SGCG: variants seen among roughly 807,000 people sequenced by gnomAD.
SGCG encodes the protein sarcoglycan gamma, also known as gamma-sarcoglycan.
A neutral mutation model predicts 29.3 loss-of-function variants in SGCG; 26 were observed. The observed-to-expected ratio is 0.89, with a 90% CI of 0.65 to 1.23. The LOEUF is 1.23. Among genes scored for constraint, SGCG ranks in the 50% most tolerant of loss-of-function variants. The pLI is 0.00. For synonymous variants in SGCG, 145 were observed against 129.7 expected, an observed-to-expected ratio of 1.12 and a Z score of -0.80; for missense variants, 353 against 356.0, an observed-to-expected ratio of 0.99 and a Z score of 0.07.
chr13:23,180,181 G>C (rs887044529), upstream of SGCG, among the ~76,000 whole-genome samples: 1 of 152,034 alleles, frequency 6.6e-6, no homozygotes, highest in African/African-American at 2.4e-5. Context: ...TGCAAACCAG[G>C]TCACATAAAA....
At chr13:23,263,457 A>C (rs1880523258) in intron 4 of SGCG, among the ~76,000 whole-genome samples, 1 of 152,112 alleles carries the variant, frequency 6.6e-6, no homozygotes, top group East Asian at 1.9e-4. Flanking sequence ...ACAGACCAAT[A>C]ACAAGCAATG....
At chr13:23,231,186 G>C (rs560891938) in intron 2 of SGCG, among the ~76,000 whole-genome samples, 2 of 151,980 alleles carry the variant, frequency 1.3e-5, no homozygotes, top group East Asian at 1.9e-4. Context: ...GAGTCGATTT[G>C]CTAGTATTTT....
At chr13:23,276,436 T>TTTTTTC (rs1881074305) in intron 4 of SGCG, among the ~76,000 whole-genome samples, 5 of 134,778 alleles carry the variant, frequency 3.7e-5, no homozygotes, top group Admixed American at 3.0e-4. Flanking sequence ...GTTTTCTTTT[T>TTTTTTC]TTTTTTTTTT....
chr13:23,270,450 A>G (rs1010050903), intron 4 of SGCG, among the ~76,000 whole-genome samples: 1 of 152,086 alleles, frequency 6.6e-6, no homozygotes, highest in African/African-American at 2.4e-5. Flanking sequence ...CATTTTTTTC[A>G]TAAGTTTGAG....
intron 1 of SGCG, among the ~76,000 whole-genome samples, chr13:23,184,320 T>C (rs966011762): frequency 2.6e-5 from 4 of 152,176 alleles, no homozygotes; most frequent in Admixed American, 6.5e-5. Flanking sequence ...TGAATGTTTT[T>C]CAGAGTTAGA....
chr13:23,167,628 T>C, the SGCG span, among the ~76,000 whole-genome samples: 23 of 152,338 alleles, frequency 1.5e-4, no homozygotes, highest in African/African-American at 5.3e-4. Flanking sequence ...GTTGTAGTTT[T>C]TATTTGCATT....
intron 6 of SGCG, 105 bp downstream of exon 6, chr13:23,295,592 A>G: frequency 2.4e-6 from 2 of 834,268 alleles, no homozygotes; most frequent in East Asian, 2.4e-5. Context: ...TTCTTATTTC[A>G]TCAGTTGCCT....
chr13:23,278,443 CAAAAAAAAA>C (rs35645325), intron 4 of SGCG, among the ~76,000 whole-genome samples: 3 of 129,620 alleles, frequency 2.3e-5, no homozygotes, highest in Admixed American at 2.2e-4. Flanking sequence ...AACTCTGTCT[CAAAAAAAAA>C]AAAAAAAAGA....
chr13:23,289,043 A>G (rs1272908650), intron 5 of SGCG, among the ~76,000 whole-genome samples: 1 of 152,198 alleles, frequency 6.6e-6, no homozygotes, highest in Non-Finnish European at 1.5e-5. Context: ...ACAAAAATGG[A>G]CCTGGAGAAC....
intron 6 of SGCG, among the ~76,000 whole-genome samples, chr13:23,316,928 C>T (rs762373122): frequency 4.6e-5 from 7 of 152,084 alleles, no homozygotes; most frequent in African/African-American, 1.2e-4. Flanking sequence ...ATCATTTGGC[C>T]GGGCGCGGTG....
chr13:23,312,619 G>T (rs908756221), intron 6 of SGCG, among the ~76,000 whole-genome samples: 1 of 152,304 alleles, frequency 6.6e-6, no homozygotes, highest in African/African-American at 2.4e-5. Flanking sequence ...GGATCAGGGG[G>T]TGAGGGATGA....
chr13:23,172,134 G>A, the SGCG span, among the ~76,000 whole-genome samples: 1 of 152,162 alleles, frequency 6.6e-6, no homozygotes, highest in Non-Finnish European at 1.5e-5. Flanking sequence ...CATTTGCAAT[G>A]TTGCAATTGC....
chr13:23,233,946 G>T (rs1879205102), intron 2 of SGCG, among the ~76,000 whole-genome samples: 1 of 152,182 alleles, frequency 6.6e-6, no homozygotes, highest in Non-Finnish European at 1.5e-5. Flanking sequence ...AAGGGGTCCA[G>T]TGCCAAATGC....
Position 23,306,025 on chromosome 13 carries a change from AATT to A in SGCG, c.578+10557_578+10559del, listed in dbSNP as rs527613380. ...AGCTAGGACTACAGGAATGCACTAC[AATT>A]ATTATTATTATTATTATTGTGAGAC... On this transcript the variant is annotated intron_variant, in intron 6 of 7. Transcript: ENST00000218867. Among the ~76,000 whole-genome samples the A allele has an allele frequency of 5.3e-5, 8 of 151,576 alleles. No individual in the cohort carries two copies. The East Asian group carries it at 5.8e-4, about 11-fold the overall frequency.
chr13:23,287,013 T>C (rs1447848449), intron 5 of SGCG, among the ~76,000 whole-genome samples: 1 of 152,248 alleles, frequency 6.6e-6, no homozygotes, highest in Admixed American at 6.5e-5. Flanking sequence ...GGTAAACATT[T>C]AGTGAACAAT....
Position 23,203,690 on chromosome 13 carries a change from G to T in SGCG, c.1-5G>T. On this transcript the variant is annotated splice_polypyrimidine_tract_variant and splice_region_variant and intron_variant, in intron 1 of 7. Coordinates refer to ENST00000218867, the MANE Select transcript of SGCG (RefSeq NM_000231.3). The stretch of plus-strand genomic sequence containing the variant: ...CTCTCCTCTCGTGAACACACTCCGT[G>T]GCAGATGGTGCGTGAGCAGTACACT... 6.2e-7 allele frequency: 1 copy of T among 1,608,822 alleles called. No homozygotes were observed. Among genetic ancestry groups the T allele is most frequent in the Non-Finnish European group, 8.5e-7 (1 of 1,176,658 alleles).
chr13:23,193,464 A>T (rs927430868), intron 1 of SGCG, among the ~76,000 whole-genome samples: 10 of 152,186 alleles, frequency 6.6e-5, no homozygotes, highest in Admixed American at 5.9e-4. Flanking sequence ...GGAAGCCAGG[A>T]TGAGCACAGC....
chr13:23,216,273 G>A (rs1222247687), intron 2 of SGCG, among the ~76,000 whole-genome samples: 31 of 152,022 alleles, frequency 2.0e-4, no homozygotes. Context: ...AGGAATTCAG[G>A]GGCCAATAGA....
At chr13:23,281,055 C>T (rs1322442568) in intron 5 of SGCG, among the ~76,000 whole-genome samples, 3 of 152,148 alleles carry the variant, frequency 2.0e-5, no homozygotes, top group Middle Eastern at 6.8e-3. Context: ...CTGCTGGGGG[C>T]CAGGCAGAGT....
Sources: allele counts gnomAD v4.1 joint callset (sites outside exome capture counted in the v4.1 genomes callset), GRCh38; gene constraint gnomAD v4.1.1; transcripts MANE v1.5; gene names NCBI Gene and HGNC (gene_info 2026-07-23, HGNC 2026-07-21).